Variants in TUT7 observed in about 807,000 individuals in gnomAD.
TUT7 encodes the protein terminal uridylyl transferase 7, also known as terminal uridylyltransferase 7.
In TUT7, 33 loss-of-function variants were observed where a neutral mutation model predicts 165.9. That is an observed-to-expected ratio of 0.20 (90% CI 0.15 to 0.27). TUT7 has a LOEUF of 0.27. Ranked by LOEUF, TUT7 falls within the 10% of genes least tolerant of loss-of-function variation. The pLI is 1.00. For missense variants in TUT7, 1,338 were observed against 1,762.3 expected, an observed-to-expected ratio of 0.76 and a Z score of 4.31; for synonymous variants, 552 against 608.1, an observed-to-expected ratio of 0.91 and a Z score of 1.36.
intron 12 of TUT7, 89 bp downstream of exon 12, chr9:86,325,245 T>A: frequency 7.7e-7 from 1 of 1,307,014 alleles, no homozygotes; most frequent in Non-Finnish European, 1.1e-6. Context: ...TTGTAGGAGC[T>A]GAAAAGAGAC....
intron 10 of TUT7, among the ~76,000 whole-genome samples, chr9:86,335,730 T>C: frequency 1.3e-5 from 2 of 152,306 alleles, no homozygotes; most frequent in South Asian, 4.1e-4. Context: ...TAAAGATACT[T>C]AGTAAGTATT....
intron 10 of TUT7, among the ~76,000 whole-genome samples, chr9:86,331,654 G>A (rs920995999): frequency 2.0e-5 from 3 of 151,998 alleles, no homozygotes; most frequent in African/African-American, 4.8e-5. Context: ...AGCCTCTCTC[G>A]TTTGGTTACA....
In TUT7 at chr9:86,322,895, T is replaced by G. The variant is rs1394450253; in HGVS notation, c.2855A>C (p.Lys952Thr). 1 of 1,604,650 alleles carries G rather than the reference T, an allele frequency of 6.2e-7. No homozygotes were observed. Among genetic ancestry groups the G allele is most frequent in the South Asian group, 1.1e-5 (1 of 88,996 alleles). ...TACCTTGCCTTTGGTGAAGATAAGT[T>G]TACTGAATTCATAAAAAAAATCAGA... ...DQSDFFYEFS[K>T]LIFTKGKSPT... Residue 952 changes from lysine to threonine, a missense_variant, in exon 13 of 27, where the codon AAA becomes ACA. By Grantham distance (78) the Lys-to-Thr change is moderately conservative. Transcript: ENST00000375963.
intron 2 of TUT7, among the ~76,000 whole-genome samples, chr9:86,350,881 C>T (rs919420024): frequency 6.6e-6 from 1 of 152,102 alleles, no homozygotes; most frequent in Admixed American, 6.5e-5. Flanking sequence ...GCCTGTAATC[C>T]CAGCACTTTG....
intron 10 of TUT7, among the ~76,000 whole-genome samples, chr9:86,335,656 T>C (rs1010051005): frequency 6.6e-6 from 1 of 152,212 alleles, no homozygotes; most frequent in African/African-American, 2.4e-5. Context: ...GATACTCTCA[T>C]GTACATAATT....
At chr9:86,336,763 G>A (rs1830816647) in intron 10 of TUT7, 1 of 152,174 alleles carries the variant, frequency 6.6e-6, no homozygotes, top group Non-Finnish European at 1.5e-5. Flanking sequence ...AGGTTTCTAA[G>A]AGGATGAGCT....
chr9:86,303,158 G>A lies in TUT7; in HGVS notation c.4022C>T (p.Ala1341Val). 1 of 1,610,584 alleles carries A rather than the reference G, an allele frequency of 6.2e-7. No homozygotes were observed. The highest frequency in any genetic ancestry group is 1.1e-5 in the South Asian group (1 of 90,528). Reference protein sequence around the residue: ...DPDVLTEGELAPNDRCCRICG... With the variant: ...DPDVLTEGELVPNDRCCRICG... ...AATTCGACAACATCTATCATTTGGG[G>A]CCAGCTCTCCTTCAGTTAACACATC... The change falls in exon 25 of 27, where the codon GCC becomes GTC. Residue 1341 changes from alanine to valine, a missense_variant. Transcript: ENST00000375963.
In TUT7 at chr9:86,323,778, T is replaced by C. The variant is rs1368359022; in HGVS notation, c.1972A>G (p.Ile658Val). ...GTTTGTACATCTGGATGATGATTTATTACTTCTTTAGAATGTTCTGAAATA... is the reference window on the plus strand; with the variant it reads ...GTTTGTACATCTGGATGATGATTTACTACTTCTTTAGAATGTTCTGAAATA... ...TCISEHSKEVINHHPDVQTKD... is the reference protein window; with the variant it reads ...TCISEHSKEVVNHHPDVQTKD... The change falls in exon 13 of 27, where the codon ATA (isoleucine) becomes GTA (valine). Residue 658 changes from isoleucine (I) to valine (V), a missense_variant. Ile to Val is a conservative substitution (Grantham distance 29). This residue lies in a region of TUT7 where 425 missense variants were observed against 474.9 expected (regional missense o/e 0.89). Transcript: ENST00000375963. 1.2e-6 allele frequency: 2 copies of C among 1,613,802 alleles called. No homozygotes were observed. Among genetic ancestry groups the C allele is most frequent in the African/African-American group, 1.3e-5 (1 of 74,914 alleles).
chr9:86,353,923 C>T (rs1832521511), intron 1 of TUT7, among the ~76,000 whole-genome samples: 1 of 152,290 alleles, frequency 6.6e-6, no homozygotes, highest in South Asian at 2.1e-4. Flanking sequence ...GAATGACACT[C>T]CTCTTCAATC....
At chr9:86,342,772 G>A in intron 6 of TUT7, among the ~76,000 whole-genome samples, 1 of 152,078 alleles carries the variant, frequency 6.6e-6, no homozygotes, top group Non-Finnish European at 1.5e-5. Flanking sequence ...TTCCCTTTCT[G>A]CCACTGGAAA....
chr9:86,352,524 T>C (rs755737968), intron 2 of TUT7, 156 bp downstream of exon 2: 9 of 854,132 alleles, frequency 1.1e-5, no homozygotes, highest in Non-Finnish European at 7.5e-6. Flanking sequence ...TCATGATTAC[T>C]ATCCTTAAAA....
Position 86,288,577 on chromosome 9 carries a change from G to A in TUT7, c.*100C>T. 1.3e-6 allele frequency: 1 copy of A among 779,524 alleles called. No individual in the cohort carries two copies. 48.3% of individuals were successfully genotyped at this position (779,524 alleles called of 1,614,324 possible). On this transcript the variant is annotated 3_prime_UTR_variant, in exon 27 of 27. Transcript: ENST00000375963. ...TGACATTTCCCTTAAATGTTAAGTT[G>A]AAGCCTGATCTACACTGCTGTGTCC...
At chr9:86,342,330 A>G (rs1454026322) in intron 6 of TUT7, among the ~76,000 whole-genome samples, 3 of 152,176 alleles carry the variant, frequency 2.0e-5, no homozygotes, top group Non-Finnish European at 4.4e-5. Flanking sequence ...AGTAACTGCA[A>G]ACACATCATC....
intron 26 of TUT7, among the ~76,000 whole-genome samples, chr9:86,297,840 C>G (rs1288309921): frequency 6.6e-6 from 1 of 151,222 alleles, no homozygotes; most frequent in Middle Eastern, 3.3e-3. Context: ...GTACCTACCA[C>G]TGCTGAAGGC....
At chr9:86,321,730 C>T (rs1256206703) in intron 14 of TUT7, among the ~76,000 whole-genome samples, 2 of 152,008 alleles carry the variant, frequency 1.3e-5, no homozygotes, top group Non-Finnish European at 2.9e-5. Context: ...CCCTGTCTCA[C>T]CATCACCCTC....
At position 86,323,996 on chromosome 9, in the gene TUT7, T is replaced by C. The variant is rs1314835841; in HGVS notation, c.1790-36A>G. On this transcript the variant is annotated intron_variant, in intron 12 of 26. Transcript: ENST00000375963. Reference sequence around the variant, plus strand: ...AAAAAGAAAGAAAGAAAAATCCATCTCTTCATATGTTACTATATTTCATGT... The same window carrying C: ...AAAAAGAAAGAAAGAAAAATCCATCCCTTCATATGTTACTATATTTCATGT... 3 of 1,439,494 alleles carry C rather than the reference T, an allele frequency of 2.1e-6. No homozygotes were observed. In the South Asian group the frequency reaches 4.5e-5, roughly 21 times the overall value. 89.2% of individuals were successfully genotyped at this position (1,439,494 alleles called of 1,614,324 possible).
chr9:86,301,263 T>C lies in TUT7; in HGVS notation c.4420+13A>G, dbSNP rs992017359. On this transcript the variant is annotated intron_variant, in intron 26 of 26. Transcript: ENST00000375963. ...TGTTAGAGCAAACATCAAGGTGTGA[T>C]AGGTGTCCATACCTGAAGAGCCTTT... 6 of 1,605,246 alleles carry C rather than the reference T, an allele frequency of 3.7e-6. No individual in the cohort carries two copies. In the East Asian group the frequency reaches 6.7e-5, roughly 18 times the overall value.
chr9:86,345,844 A>C (rs1831708284), intron 3 of TUT7, 59 bp from the exon 4 acceptor site: 2 of 1,213,068 alleles, frequency 1.6e-6, no homozygotes, highest in Non-Finnish European at 2.4e-6. Flanking sequence ...CATTCAGATA[A>C]ACAAAATCAG....
At chr9:86,337,686 A>C in intron 9 of TUT7, 148 bp from the exon 10 acceptor site, 2 of 937,372 alleles carry the variant, frequency 2.1e-6, no homozygotes, top group Non-Finnish European at 3.1e-6. Context: ...AAAATATACA[A>C]CTTCCTTATA....
Sources: allele counts gnomAD v4.1 joint callset (sites outside exome capture counted in the v4.1 genomes callset), GRCh38; gene constraint gnomAD v4.1.1; regional missense constraint gnomAD v4.1.1; transcripts MANE v1.5; gene names NCBI Gene and HGNC (gene_info 2026-07-23, HGNC 2026-07-21).